Variants in EPHA3 observed in about 807,000 individuals in gnomAD.
EPHA3 encodes ephrin type-A receptor 3.
In EPHA3, 42 loss-of-function variants were observed where a neutral mutation model predicts 107.1. That is an observed-to-expected ratio of 0.39 (90% CI 0.31 to 0.51). EPHA3 has a LOEUF of 0.51. EPHA3 is among the 20% of genes least tolerant of loss of function. The pLI is 0.78. For missense variants in EPHA3, 1,183 were observed against 1,211.2 expected (o/e 0.98, Z 0.35); for synonymous variants, 461 against 424.8 (o/e 1.09, Z -1.05).
At chr3:89,451,001 T>A (rs1309731326) in intron 15 of EPHA3, among the ~76,000 whole-genome samples, 2 of 152,150 alleles carry the variant, frequency 1.3e-5, no homozygotes, top group Non-Finnish European at 2.9e-5. Context: ...AAAAAGAAAT[T>A]ATCCAAAATA....
intron 5 of EPHA3, among the ~76,000 whole-genome samples, chr3:89,368,820 C>A (rs561738592): frequency 4.7e-5 from 7 of 148,534 alleles, no homozygotes; most frequent in South Asian, 4.2e-4. Context: ...CCAGAAAAAA[C>A]AAAAAACAAA....
intron 3 of EPHA3, among the ~76,000 whole-genome samples, chr3:89,254,510 G>GT (rs1418807407): frequency 1.3e-5 from 2 of 152,098 alleles, no homozygotes; most frequent in African/African-American, 4.8e-5. Flanking sequence ...TCCTATCTGT[G>GT]TAAAACTCTA....
At chr3:89,407,189 A>T in intron 7 of EPHA3, 80 bp from the exon 8 acceptor site, 1 of 949,936 alleles carries the variant, frequency 1.1e-6, no homozygotes, top group Non-Finnish European at 1.7e-6. Context: ...TTAATTAATT[A>T]ATGAATCAAT....
At chr3:89,427,287 G>C (rs1709476227) in intron 11 of EPHA3, among the ~76,000 whole-genome samples, 1 of 151,818 alleles carries the variant, frequency 6.6e-6, no homozygotes, top group Non-Finnish European at 1.5e-5. Context: ...GAATGTAAAA[G>C]TATAACCTTC....
intron 3 of EPHA3, among the ~76,000 whole-genome samples, chr3:89,317,183 A>G: frequency 6.6e-6 from 1 of 151,894 alleles, no homozygotes; most frequent in Non-Finnish European, 1.5e-5. Flanking sequence ...AGAAAATCAG[A>G]TTAAAATAGT....
intron 3 of EPHA3, among the ~76,000 whole-genome samples, chr3:89,261,694 A>T (rs1293318699): frequency 1.3e-5 from 2 of 152,178 alleles, no homozygotes; most frequent in Admixed American, 1.3e-4. Flanking sequence ...ATTTGAACCC[A>T]AAGTGGCCAC....
intron 1 of EPHA3, among the ~76,000 whole-genome samples, chr3:89,110,693 A>G (rs892357820): frequency 2.0e-5 from 3 of 152,020 alleles, no homozygotes; most frequent in Non-Finnish European, 4.4e-5. Flanking sequence ...TTTTCATGGC[A>G]AAATATGATT....
At chr3:89,205,326 A>T (rs551132022) in intron 2 of EPHA3, among the ~76,000 whole-genome samples, 1 of 152,316 alleles carries the variant, frequency 6.6e-6, no homozygotes, top group Non-Finnish European at 1.5e-5. Context: ...GGTAAATGCC[A>T]GTTAATTATT....
chr3:89,197,312 G>A (rs1025906177), intron 2 of EPHA3, among the ~76,000 whole-genome samples: 19 of 151,734 alleles, frequency 1.3e-4, no homozygotes, highest in African/African-American at 4.4e-4. Flanking sequence ...TATCTATTAA[G>A]CCACTAAGCA....
intron 5 of EPHA3, among the ~76,000 whole-genome samples, chr3:89,360,865 C>A (rs1259400177): frequency 6.6e-6 from 1 of 151,010 alleles, no homozygotes; most frequent in East Asian, 1.9e-4. Context: ...ATTCACTTCT[C>A]ATGTATTATT....
At chr3:89,275,204 C>T (rs1705777129) in intron 3 of EPHA3, among the ~76,000 whole-genome samples, 1 of 151,978 alleles carries the variant, frequency 6.6e-6, no homozygotes, top group Admixed American at 6.6e-5. Context: ...TGCTATGAGA[C>T]AGTCCTTGCG....
At position 89,173,255 on chromosome 3, in the gene EPHA3, T is replaced by C. The variant is rs139335774; in HGVS notation, c.154-36605T>C. Among the ~76,000 whole-genome samples the C allele has an allele frequency of 9.5e-3, 1,450 of 152,214 alleles. 9 individuals carry two copies. The highest frequency in any genetic ancestry group is 0.027 in the East Asian group (138 of 5,182). On this transcript the variant is annotated intron_variant, in intron 2 of 16. Transcript: ENST00000336596. The stretch of plus-strand genomic sequence containing the variant: ...TCCTTTGTTTGTTTTGCTTATAGAA[T>C]GTTTTTTGTCAGAGGTATTCTATAC...
chr3:89,386,337 G>A (rs1708621885), intron 5 of EPHA3, among the ~76,000 whole-genome samples: 1 of 152,206 alleles, frequency 6.6e-6, no homozygotes, highest in Non-Finnish European at 1.5e-5. Flanking sequence ...ACCCCCTGCT[G>A]TGTGCAGCAT....
chr3:89,230,733 A>G (rs954550375), intron 3 of EPHA3, among the ~76,000 whole-genome samples: 8 of 151,682 alleles, frequency 5.3e-5, no homozygotes, highest in Non-Finnish European at 1.2e-4. Context: ...CTTCCTTCAG[A>G]TTTTATAGTA....
chr3:89,402,808 G>A (rs2107512480), intron 7 of EPHA3, among the ~76,000 whole-genome samples: 1 of 152,274 alleles, frequency 6.6e-6, no homozygotes, highest in South Asian at 2.1e-4. Flanking sequence ...CGATTCTATA[G>A]CTGGGATTAC....
rs1186447153 is a variant in EPHA3, at chr3:89,441,456, A to G, written c.2347-7769A>G. Among the ~76,000 whole-genome samples the G allele has an allele frequency of 5.9e-5, 9 of 152,360 alleles. No individual in the cohort carries two copies. The South Asian group carries it at 1.7e-3, about 28-fold the overall frequency. On this transcript the variant is annotated intron_variant, in intron 13 of 16. Coordinates refer to ENST00000336596, the MANE Select transcript of EPHA3 (RefSeq NM_005233.6). ...GAGCTTACATTAGGATATAGAGACC[A>G]GTAAAAGTAAATGCTTCATTTTAAA...
intron 3 of EPHA3, among the ~76,000 whole-genome samples, chr3:89,240,250 A>T (rs1215895576): frequency 3.3e-5 from 5 of 152,220 alleles, no homozygotes; most frequent in African/African-American, 1.2e-4. Flanking sequence ...CTTGTGAATT[A>T]GAACTTTCTG....
chr3:89,478,750 G>C (rs1710567847), intron 16 of EPHA3, among the ~76,000 whole-genome samples: 2 of 152,128 alleles, frequency 1.3e-5, no homozygotes, highest in Non-Finnish European at 2.9e-5. Context: ...CCAGATTCAA[G>C]GGAAAGAGAT....
At chr3:89,285,494 T>C (rs1706060821) in intron 3 of EPHA3, among the ~76,000 whole-genome samples, 1 of 152,132 alleles carries the variant, frequency 6.6e-6, no homozygotes, top group Non-Finnish European at 1.5e-5. Context: ...CAAAGAAATG[T>C]ATAGAAAGTT....
Sources: gnomAD v4.1 joint callset for allele counts (sites outside exome capture counted in the v4.1 genomes callset) on GRCh38, gnomAD v4.1.1 for gene constraint, MANE v1.5 for transcripts, NCBI Gene and HGNC (gene_info 2026-07-23, HGNC 2026-07-21) for gene names.